Variants in EPHA6 observed in about 807,000 individuals in gnomAD.
EPHA6 encodes ephrin type-A receptor 6.
A neutral mutation model predicts 112.0 loss-of-function variants in EPHA6; 50 were observed. The ratio of observed to expected loss-of-function variants is 0.45; its 90% confidence interval spans 0.36 to 0.56. The LOEUF is 0.56. Ranked by LOEUF, EPHA6 falls within the 20% of genes least tolerant of loss-of-function variation. EPHA6 has a pLI of 0.00. For missense variants in EPHA6, 1,280 were observed against 1,417.4 expected (o/e 0.90, Z 1.56); for synonymous variants, 529 against 490.7 (o/e 1.08, Z -1.03).
intron 14 of EPHA6, among the ~76,000 whole-genome samples, chr3:97,668,899 G>A (rs536332825): frequency 2.1e-5 from 2 of 96,556 alleles, no homozygotes; most frequent in South Asian, 7.9e-4. Flanking sequence ...GTGACAGAGT[G>A]AGACTCTGTC....
chr3:97,675,477 C>T (rs1171887057), intron 14 of EPHA6, among the ~76,000 whole-genome samples: 2 of 152,046 alleles, frequency 1.3e-5, no homozygotes, highest in East Asian at 1.9e-4. Context: ...GAGACTCCAC[C>T]TTAATATAAA....
At chr3:96,962,514 AGAC>A (rs2041981261) in intron 2 of EPHA6, among the ~76,000 whole-genome samples, 1 of 147,396 alleles carries the variant, frequency 6.8e-6, no homozygotes, top group Non-Finnish European at 1.5e-5. Flanking sequence ...ACCCACTTTT[AGAC>A]GGCCTAACTA....
intron 5 of EPHA6, among the ~76,000 whole-genome samples, chr3:97,266,682 C>G (rs1333799444): frequency 6.6e-6 from 1 of 151,904 alleles, no homozygotes; most frequent in East Asian, 1.9e-4. Flanking sequence ...CTGATTTGAG[C>G]CATCAAGATA....
chr3:96,822,540 A>G (rs6765368), intron 1 of EPHA6, among the ~76,000 whole-genome samples: 41,763 of 151,630 alleles, frequency 0.28, 10,138 homozygotes, highest in African/African-American at 0.64. Flanking sequence ...AATGTAAAAG[A>G]CGTACTTTTT....
intron 14 of EPHA6, among the ~76,000 whole-genome samples, chr3:97,640,046 G>A (rs980736972): frequency 1.3e-5 from 2 of 151,936 alleles, no homozygotes; most frequent in Non-Finnish European, 1.5e-5. Context: ...TAAAGCTCTT[G>A]CCTTTAAAGA....
At chr3:97,416,624 T>C (rs2088145479) in intron 6 of EPHA6, among the ~76,000 whole-genome samples, 1 of 152,036 alleles carries the variant, frequency 6.6e-6, no homozygotes, top group South Asian at 2.1e-4. Flanking sequence ...GAAAGCAAAG[T>C]ACACCATTTC....
rs1316216186 is a variant in EPHA6 at position 97,555,057 on chromosome 3, T to A, written c.2386+22514T>A. ...AACTCGTCATTTAGCATTAGGTATA[T>A]CTCCTAATGGAATCCCTCCCCCTTC... On this transcript the variant is annotated intron_variant, in intron 11 of 17. Coordinates refer to ENST00000389672, the MANE Select transcript of EPHA6 (RefSeq NM_001080448.3). Among the ~76,000 whole-genome samples, 3 of 152,088 alleles carry A rather than the reference T, an allele frequency of 2.0e-5. No homozygotes were observed. In the East Asian group the frequency reaches 5.8e-4, roughly 30 times the overall value.
intron 2 of EPHA6, among the ~76,000 whole-genome samples, chr3:96,913,288 C>G (rs1421654756): frequency 6.6e-6 from 1 of 151,276 alleles, no homozygotes; most frequent in Non-Finnish European, 1.5e-5. Context: ...GAGGATTGCT[C>G]GAGCTTGGAA....
At chr3:97,194,203 T>C (rs2077381079) in intron 3 of EPHA6, among the ~76,000 whole-genome samples, 2 of 151,988 alleles carry the variant, frequency 1.3e-5, no homozygotes, top group African/African-American at 4.8e-5. Context: ...CAGGTGCTTA[T>C]TGCTATCAAT....
At chr3:97,304,298 G>A (rs146624067) in intron 5 of EPHA6, among the ~76,000 whole-genome samples, 89 of 151,994 alleles carry the variant, frequency 5.9e-4, no homozygotes, top group African/African-American at 2.1e-3. Context: ...AGAGTAGTGA[G>A]AAAGGGCATC....
At position 97,226,264 on chromosome 3, in the gene EPHA6, C is replaced by A; in HGVS notation, c.1115C>A (p.Ala372Asp). The change falls in exon 4 of 18, where the codon GCT becomes GAT. Residue 372 changes from alanine (A) to aspartate (D), a missense_variant and splice_region_variant. Ala to Asp is a moderately radical substitution (Grantham distance 126, BLOSUM62 -2). Transcript: ENST00000389672. ...GYEEIEGSCH[A>D]CRPGFYKAFA... is the part of the protein sequence containing the mutation. ...AAAGTGTTTTTTTCTCTTTTTACAG[C>A]TTGCAGACCAGGATTCTATAAAGCT... 6.3e-7 allele frequency: 1 copy of A among 1,589,078 alleles called. No individual in the cohort carries two copies. The highest frequency in any genetic ancestry group is 8.5e-7 in the Non-Finnish European group (1 of 1,170,536).
At chr3:97,305,128 A>G (rs1344709027) in intron 5 of EPHA6, among the ~76,000 whole-genome samples, 1 of 152,096 alleles carries the variant, frequency 6.6e-6, no homozygotes, top group African/African-American at 2.4e-5. Context: ...ACATCTGAAT[A>G]AAAGCTCAAC....
rs901554792 is a variant in EPHA6 at position 97,034,182 on chromosome 3, CAT to C, written c.1114+46191_1114+46192del. Among the ~76,000 whole-genome samples the C allele has an allele frequency of 2.9e-4, 44 of 151,986 alleles. 1 individual carries two copies. The highest frequency in any genetic ancestry group is 8.2e-4 in the African/African-American group (34 of 41,504). ...ATTTAAGCATTCTTTACTCAACTGA[CAT>C]AATCAAATTATTCTGATAAAAATGA... On this transcript the variant is annotated intron_variant, in intron 3 of 17. Coordinates refer to ENST00000389672, the MANE Select transcript of EPHA6 (RefSeq NM_001080448.3).
chr3:97,681,659 T>C (rs1235661089), intron 14 of EPHA6, among the ~76,000 whole-genome samples: 1 of 152,140 alleles, frequency 6.6e-6, no homozygotes, highest in Non-Finnish European at 1.5e-5. Flanking sequence ...GTATGTTTAT[T>C]GAATAAACGA....
rs928185980 is a variant in EPHA6, at chr3:97,749,243, A to G, written c.*542A>G. 3 of 218,040 alleles carry G rather than the reference A, an allele frequency of 1.4e-5. No individual in the cohort carries two copies. Among genetic ancestry groups the G allele is most frequent in the Non-Finnish European group, 2.8e-5 (3 of 108,538 alleles). 13.5% of individuals were successfully genotyped at this position (218,040 alleles called of 1,614,324 possible). A position where few individuals can be genotyped will look rare whatever the true frequency, so the allele number is the denominator to read the frequency against. Reference sequence around the variant, plus strand: ...ATTGTTAGAATTATTTGCAGAAATGACCAGTGATATCATGTAATGAATTTT... The same window carrying G: ...ATTGTTAGAATTATTTGCAGAAATGGCCAGTGATATCATGTAATGAATTTT... On this transcript the variant is annotated 3_prime_UTR_variant, in exon 18 of 18. Transcript: ENST00000389672.
chr3:97,277,513 G>C (rs966958823), intron 5 of EPHA6, among the ~76,000 whole-genome samples: 39 of 152,144 alleles, frequency 2.6e-4, no homozygotes, highest in African/African-American at 9.2e-4. Context: ...GCAGTCACAG[G>C]GGATATGATG....
chr3:96,822,938 G>A (rs1009485032), intron 1 of EPHA6, among the ~76,000 whole-genome samples: 3 of 151,324 alleles, frequency 2.0e-5, no homozygotes, highest in African/African-American at 7.3e-5. Flanking sequence ...TTGCCTACTT[G>A]TGGTAATTAT....
intron 11 of EPHA6, among the ~76,000 whole-genome samples, chr3:97,537,393 T>C (rs1395390617): frequency 2.0e-5 from 3 of 152,130 alleles, no homozygotes; most frequent in Non-Finnish European, 4.4e-5. Flanking sequence ...AACCTAGTGA[T>C]AGAGAAAAGA....
chr3:97,079,873 C>T (rs1374842614), intron 3 of EPHA6, among the ~76,000 whole-genome samples: 6 of 151,550 alleles, frequency 4.0e-5, no homozygotes, highest in African/African-American at 1.5e-4. Flanking sequence ...AAAATTATGA[C>T]TTGCTGAAGG....
Sources: allele counts gnomAD v4.1 joint callset (sites outside exome capture counted in the v4.1 genomes callset), GRCh38; gene constraint gnomAD v4.1.1; transcripts MANE v1.5; gene names NCBI Gene and HGNC (gene_info 2026-07-23, HGNC 2026-07-21).